The following HIVEP2 variants were observed in gnomAD, a reference collection of about 807,000 sequenced individuals.
HIVEP2 encodes HIVEP zinc finger 2, also known as transcription factor HIVEP2.
HIVEP2 carries 14 observed loss-of-function variants against 180.7 expected under a neutral mutation model. The ratio of observed to expected loss-of-function variants is 0.08; its 90% confidence interval spans 0.05 to 0.12. The LOEUF (loss-of-function observed/expected upper bound fraction) is 0.12, where lower values mean the gene tolerates loss of function less well. Ranked by LOEUF, HIVEP2 falls within the 10% of genes least tolerant of loss-of-function variation. The probability of loss-of-function intolerance (pLI) is 1.00; values close to 1 mark genes in which losing one functional copy is unlikely to be tolerated. For synonymous variants in HIVEP2, 1,184 were observed against 1,136.4 expected, an observed-to-expected ratio of 1.04 and a Z score of -0.84; for missense variants, 2,579 against 3,008.5, an observed-to-expected ratio of 0.86 and a Z score of 3.34.
intron 1 of HIVEP2, among the ~76,000 whole-genome samples, chr6:142,842,925 A>AT (rs1775406356): frequency 2.0e-5 from 3 of 152,198 alleles, no homozygotes; most frequent in Non-Finnish European, 4.4e-5. Flanking sequence ...AACATGATTC[A>AT]TTCTGTGTAA....
intron 1 of HIVEP2, among the ~76,000 whole-genome samples, chr6:142,903,404 G>A (rs905783947): frequency 1.3e-5 from 2 of 152,120 alleles, no homozygotes; most frequent in Non-Finnish European, 2.9e-5. Context: ...CACTTTGATG[G>A]ACTCTCAGTA....
intron 1 of HIVEP2, among the ~76,000 whole-genome samples, chr6:142,908,634 G>A (rs966032012): frequency 6.6e-6 from 1 of 152,070 alleles, no homozygotes; most frequent in Non-Finnish European, 1.5e-5. Flanking sequence ...TTAAAGGAGT[G>A]ATTTAGACTG....
rs1223074010 is a variant in HIVEP2 at position 142,752,840 on chromosome 6, G to T, written c.*267C>A. On this transcript the variant is annotated 3_prime_UTR_variant, in exon 10 of 10. Transcript: ENST00000367603. ...AATTACTGCTAAAAAATGCTTATAA[G>T]AATATAAGCAAAGTAAAGAAAAGGC... is the stretch of plus-strand genomic sequence containing the variant. 1.7e-5 allele frequency: 6 copies of T among 362,710 alleles called. No homozygotes were observed. Among genetic ancestry groups the T allele is most frequent in the Non-Finnish European group, 3.0e-5 (6 of 200,832 alleles). The allele number at this position is 362,710 out of a possible 1,614,324, so 22.5% of individuals were successfully genotyped here. A position where few individuals can be genotyped will look rare whatever the true frequency, so the allele number is the denominator to read the frequency against.
chr6:142,821,314 C>T (rs1294109463), intron 2 of HIVEP2, among the ~76,000 whole-genome samples: 5 of 151,854 alleles, frequency 3.3e-5, no homozygotes, highest in African/African-American at 1.2e-4. Flanking sequence ...CAGATACACT[C>T]ATTCGTAGTC....
At chr6:142,917,574 C>T (rs892383594) in intron 1 of HIVEP2, among the ~76,000 whole-genome samples, 18 of 152,186 alleles carry the variant, frequency 1.2e-4, no homozygotes, top group African/African-American at 4.3e-4. Context: ...TAACTTATTT[C>T]ATTAAATAAG....
At position 142,808,918 on chromosome 6, in the gene HIVEP2, G is replaced by A. The variant is rs146092905; in HGVS notation, c.-527-25303C>T. ...TACATATTTGTTCCTATTTTAAAAC[G>A]TTGCATGCTCTCTTCTTCCATTAAC... On this transcript the variant is annotated intron_variant, in intron 2 of 9. Transcript: ENST00000367603. 7.3e-3 allele frequency among the ~76,000 whole-genome samples: 1,116 copies of A among 152,142 alleles called. 17 individuals carry two copies. The highest frequency in any genetic ancestry group is 0.025 in the African/African-American group (1,017 of 41,492).
intron 1 of HIVEP2, among the ~76,000 whole-genome samples, chr6:142,840,092 G>C (rs111880124): frequency 6.6e-6 from 1 of 152,018 alleles, no homozygotes; most frequent in Admixed American, 6.6e-5. Flanking sequence ...AAATACCACG[G>C]TCTCCAGAGT....
intron 2 of HIVEP2, among the ~76,000 whole-genome samples, chr6:142,814,410 G>A (rs986769980): frequency 2.0e-5 from 3 of 152,288 alleles, no homozygotes; most frequent in Middle Eastern, 3.4e-3. Flanking sequence ...GTGGGGAGTT[G>A]AGTGGAGACT....
At chr6:142,929,282 G>A (rs1777887587) in intron 1 of HIVEP2, among the ~76,000 whole-genome samples, 1 of 152,122 alleles carries the variant, frequency 6.6e-6, no homozygotes, top group Non-Finnish European at 1.5e-5. Context: ...GCTGATGATG[G>A]CACTTGGAAA....
chr6:142,839,767 G>A (rs1775316545), intron 1 of HIVEP2, among the ~76,000 whole-genome samples: 1 of 152,088 alleles, frequency 6.6e-6, no homozygotes, highest in African/African-American at 2.4e-5. Flanking sequence ...TCTCGAGTAA[G>A]CCTGTGTATC....
chr6:142,923,069 C>T (rs1777721125), intron 1 of HIVEP2, among the ~76,000 whole-genome samples: 1 of 152,160 alleles, frequency 6.6e-6, no homozygotes, highest in African/African-American at 2.4e-5. Context: ...CGCGGTGGCT[C>T]ATGCCTGGTA....
chr6:142,899,072 T>C (rs1039571920), intron 1 of HIVEP2, among the ~76,000 whole-genome samples: 29 of 152,158 alleles, frequency 1.9e-4, no homozygotes, highest in Non-Finnish European at 3.7e-4. Context: ...AGTTCAAACA[T>C]AGCAGCATGG....
chr6:142,831,446 G>A (rs761959700), intron 2 of HIVEP2, among the ~76,000 whole-genome samples: 13 of 151,868 alleles, frequency 8.6e-5, no homozygotes, highest in South Asian at 2.1e-4. Flanking sequence ...GGCCCAGCCC[G>A]ACCCATCTCC....
chr6:142,933,396 A>G (rs978204031), intron 1 of HIVEP2, among the ~76,000 whole-genome samples: 1 of 152,258 alleles, frequency 6.6e-6, no homozygotes, highest in Admixed American at 6.5e-5. Flanking sequence ...TTTTAAAGCT[A>G]TAAGAAGGCT....
At chr6:142,812,766 G>A (rs187845292) in intron 2 of HIVEP2, among the ~76,000 whole-genome samples, 256 of 152,086 alleles carry the variant, frequency 1.7e-3, no homozygotes, top group African/African-American at 6.0e-3. Context: ...GAAACAATAT[G>A]GAAAAGATTA....
chr6:142,811,738 C>T (rs1776704637), intron 2 of HIVEP2, among the ~76,000 whole-genome samples: 1 of 152,192 alleles, frequency 6.6e-6, no homozygotes, highest in Admixed American at 6.5e-5. Flanking sequence ...AGTGTGTACA[C>T]TAAGTTAAAT....
intron 1 of HIVEP2, among the ~76,000 whole-genome samples, chr6:142,837,812 G>GT (rs1188834539): frequency 3.3e-5 from 5 of 152,110 alleles, no homozygotes. Flanking sequence ...ATGCTAGAGG[G>GT]TTGAGCAGAA....
In HIVEP2 at chr6:142,759,863, C is replaced by T. The variant is rs747729050; in HGVS notation, c.6425G>A (p.Arg2142Lys). The change falls in exon 9 of 10, where the codon AGA becomes AAA. Residue 2142 changes from arginine to lysine, a missense_variant. Around this residue, in one of 11 missense-constraint regions of HIVEP2, gnomAD observed 660 missense variants for 731.7 expected, o/e 0.90. Coordinates refer to ENST00000367603, the MANE Select transcript of HIVEP2 (RefSeq NM_006734.4). ...TAAAGCCCTTCTGGGAGATGGCGCT[C>T]TTATTGTGGTCATGTATCTTCTCTC... ...RRERRYMTTI[R>K]APSPRRALYH... 6.2e-7 allele frequency: 1 copy of T among 1,614,106 alleles called. No homozygotes were observed. The highest frequency in any genetic ancestry group is 1.1e-5 in the South Asian group (1 of 91,080).
intron 2 of HIVEP2, among the ~76,000 whole-genome samples, chr6:142,795,591 C>T (rs1159351449): frequency 6.6e-6 from 1 of 152,104 alleles, no homozygotes; most frequent in Non-Finnish European, 1.5e-5. Flanking sequence ...CTGATTTTAA[C>T]ATAGATGTAA....
Sources: gnomAD v4.1 joint callset for allele counts (sites outside exome capture counted in the v4.1 genomes callset) on GRCh38, gnomAD v4.1.1 for gene constraint, gnomAD v4.1.1 regional missense constraint, MANE v1.5 for transcripts, NCBI Gene and HGNC (gene_info 2026-07-23, HGNC 2026-07-21) for gene names.